Variants in FSTL4 observed in about 807,000 individuals in gnomAD.
The protein encoded by FSTL4 is follistatin-related protein 4.
A neutral mutation model predicts 78.2 loss-of-function variants in FSTL4; 28 were observed. That is an observed-to-expected ratio of 0.36 (90% CI 0.27 to 0.49). The LOEUF is 0.49. FSTL4 is among the 20% of genes least tolerant of loss of function. The probability of loss-of-function intolerance (pLI) is 0.98; values close to 1 mark genes in which losing one functional copy is unlikely to be tolerated. For synonymous variants in FSTL4, 422 were observed against 440.5 expected (o/e 0.96, Z 0.53); for missense variants, 922 against 1,084.9 (o/e 0.85, Z 2.11).
chr5:133,726,086 G>T, the FSTL4 span, among the ~76,000 whole-genome samples: 2 of 152,166 alleles, frequency 1.3e-5, 1 homozygote, highest in South Asian at 4.1e-4. Context: ...CTGACTATTA[G>T]CTGAGAAAAT....
chr5:133,683,973 G>A, the FSTL4 span, among the ~76,000 whole-genome samples: 126 of 152,280 alleles, frequency 8.3e-4, no homozygotes, highest in East Asian at 0.018. Context: ...TGCCTCATCC[G>A]CAGTGATTGC....
At chr5:133,711,602 C>T in the FSTL4 span, among the ~76,000 whole-genome samples, 1 of 152,228 alleles carries the variant, frequency 6.6e-6, no homozygotes, top group East Asian at 1.9e-4. Flanking sequence ...TTGTACTCTG[C>T]CAACCTACTG....
chr5:133,254,475 G>A (rs1188568587), intron 6 of FSTL4, among the ~76,000 whole-genome samples: 1 of 152,238 alleles, frequency 6.6e-6, no homozygotes, highest in Non-Finnish European at 1.5e-5. Context: ...CACCTCCAGG[G>A]GCAGGGACTA....
chr5:133,452,083 A>C (rs541975879), intron 3 of FSTL4, among the ~76,000 whole-genome samples: 323 of 152,370 alleles, frequency 2.1e-3, no homozygotes, highest in Middle Eastern at 0.01. Flanking sequence ...GCTGCCGTGG[A>C]GTTCCACACA....
intron 3 of FSTL4, among the ~76,000 whole-genome samples, chr5:133,415,025 A>G (rs1261857926): frequency 6.6e-6 from 1 of 152,260 alleles, no homozygotes; most frequent in African/African-American, 2.4e-5. Context: ...AGAAGCCCTT[A>G]GCATCAGTAC....
intron 11 of FSTL4, among the ~76,000 whole-genome samples, chr5:133,221,687 T>A (rs906159733): frequency 2.0e-5 from 3 of 152,124 alleles, no homozygotes; most frequent in Non-Finnish European, 2.9e-5. Context: ...CTGTCCCTCA[T>A]TCTGTCTCTA....
chr5:133,674,327 C>A, the FSTL4 span, among the ~76,000 whole-genome samples: 1 of 152,144 alleles, frequency 6.6e-6, no homozygotes, highest in Non-Finnish European at 1.5e-5. Context: ...TACTACAAAG[C>A]TTTTGGCTAT....
At chr5:133,765,610 T>G in the FSTL4 span, among the ~76,000 whole-genome samples, 1 of 152,070 alleles carries the variant, frequency 6.6e-6, no homozygotes, top group Non-Finnish European at 1.5e-5. Context: ...AGAGAGTCCA[T>G]CAGTGATTCT....
chr5:133,711,676 T>C, the FSTL4 span, among the ~76,000 whole-genome samples: 1 of 152,352 alleles, frequency 6.6e-6, no homozygotes, highest in South Asian at 2.1e-4. Context: ...GAGAACTTCC[T>C]GATCTGATGT....
At chr5:133,804,890 G>A in the FSTL4 span, among the ~76,000 whole-genome samples, 37,043 of 140,670 alleles carry the variant, frequency 0.26, 5,520 homozygotes, top group African/African-American at 0.44. Flanking sequence ...CTTGCAGTGA[G>A]CCAAATCGTG....
chr5:133,834,868 A>G, the FSTL4 span, among the ~76,000 whole-genome samples: 1 of 151,910 alleles, frequency 6.6e-6, no homozygotes, highest in Non-Finnish European at 1.5e-5. Flanking sequence ...TATGATATAT[A>G]TTATATATAT....
the FSTL4 span, among the ~76,000 whole-genome samples, chr5:133,625,127 T>A: frequency 1.9e-3 from 285 of 151,962 alleles, 2 homozygotes; most frequent in African/African-American, 6.0e-3. Context: ...AGGGTAATAC[T>A]AGCTTCATAA....
chr5:133,547,170 ATGT>A (rs1185330008), intron 3 of FSTL4, among the ~76,000 whole-genome samples: 2 of 152,002 alleles, frequency 1.3e-5, no homozygotes. Flanking sequence ...TCAAAACTTA[ATGT>A]TGTTCCCTGT....
At chr5:133,707,316 T>C in the FSTL4 span, among the ~76,000 whole-genome samples, 1 of 152,188 alleles carries the variant, frequency 6.6e-6, no homozygotes, top group African/African-American at 2.4e-5. Context: ...GCCTATCACA[T>C]GGTCTAGGAG....
intron 6 of FSTL4, among the ~76,000 whole-genome samples, chr5:133,270,585 C>T (rs778007210): frequency 5.3e-5 from 8 of 152,210 alleles, no homozygotes; most frequent in Non-Finnish European, 1.0e-4. Flanking sequence ...ATGACAAAGT[C>T]CTGATTGCTT....
intron 4 of FSTL4, among the ~76,000 whole-genome samples, chr5:133,322,399 C>T (rs981514884): frequency 9.9e-5 from 15 of 152,092 alleles, no homozygotes; most frequent in Non-Finnish European, 2.9e-5. Flanking sequence ...GTGAGGCTTG[C>T]CCCAGCCTTA....
At chr5:133,530,900 T>A (rs192151883) in intron 3 of FSTL4, among the ~76,000 whole-genome samples, 1 of 152,276 alleles carries the variant, frequency 6.6e-6, no homozygotes, top group East Asian at 1.9e-4. Context: ...CCGTGGTCTT[T>A]CCCTCTAACA....
chr5:133,323,785 C>G (rs574481387), intron 4 of FSTL4, among the ~76,000 whole-genome samples: 3 of 152,334 alleles, frequency 2.0e-5, no homozygotes, highest in Admixed American at 2.0e-4. Context: ...ATCAGCTTGC[C>G]GAGGAGCCCA....
intron 6 of FSTL4, among the ~76,000 whole-genome samples, chr5:133,266,246 G>C (rs919046370): frequency 6.6e-6 from 1 of 152,240 alleles, no homozygotes; most frequent in Non-Finnish European, 1.5e-5. Flanking sequence ...ACCACAGCAC[G>C]CACACCCAAC....
Sources: allele counts gnomAD v4.1 joint callset (sites outside exome capture counted in the v4.1 genomes callset), GRCh38; gene constraint gnomAD v4.1.1; transcripts MANE v1.5; gene names NCBI Gene and HGNC (gene_info 2026-07-23, HGNC 2026-07-21).